The following DLGAP1 variants were observed in gnomAD, a reference collection of about 807,000 sequenced individuals.
DLGAP1 encodes DLG associated protein 1.
A neutral mutation model predicts 90.8 loss-of-function variants in DLGAP1; 11 were observed. The observed-to-expected ratio is 0.12, with a 90% CI of 0.08 to 0.20. The LOEUF (loss-of-function observed/expected upper bound fraction) is 0.20, where lower values mean the gene tolerates loss of function less well. DLGAP1 is among the 10% of genes least tolerant of loss of function. The pLI is 1.00. For synonymous variants in DLGAP1, 558 were observed against 540.7 expected (o/e 1.03, Z -0.44); for missense variants, 1,050 against 1,333.8 (o/e 0.79, Z 3.31).
At chr18:4,438,916 T>C (rs1186223396) in intron 1 of DLGAP1, among the ~76,000 whole-genome samples, 1 of 152,208 alleles carries the variant, frequency 6.6e-6, no homozygotes, top group African/African-American at 2.4e-5. Context: ...AATTGATATA[T>C]GGGTAAACTG....
chr18:4,424,859 A>G (rs1385814246), intron 1 of DLGAP1, among the ~76,000 whole-genome samples: 1 of 152,264 alleles, frequency 6.6e-6, no homozygotes, highest in African/African-American at 2.4e-5. Flanking sequence ...ACTTCACAAA[A>G]CCAATTTATT....
At chr18:3,856,397 G>A (rs2069645259) in intron 4 of DLGAP1, among the ~76,000 whole-genome samples, 1 of 152,106 alleles carries the variant, frequency 6.6e-6, no homozygotes, top group African/African-American at 2.4e-5. Flanking sequence ...TGAGGCAATG[G>A]CCCAATTTTT....
At chr18:4,364,313 G>A (rs1377630984) in intron 1 of DLGAP1, among the ~76,000 whole-genome samples, 2 of 148,136 alleles carry the variant, frequency 1.4e-5, no homozygotes, top group Non-Finnish European at 3.0e-5. Context: ...GCTAAATGAC[G>A]AGTTAATGGG....
At chr18:3,611,132 T>TAA (rs879375557) in intron 7 of DLGAP1, among the ~76,000 whole-genome samples, 1 of 145,518 alleles carries the variant, frequency 6.9e-6, no homozygotes, top group South Asian at 2.2e-4. Context: ...ACCCTGTCTT[T>TAA]AAAAAAAAAA....
chr18:3,890,362 G>A (rs1423042352), intron 3 of DLGAP1, among the ~76,000 whole-genome samples: 2 of 152,180 alleles, frequency 1.3e-5, no homozygotes, highest in Admixed American at 6.5e-5. Flanking sequence ...CTCTGCAATC[G>A]GCTGTTTTTG....
chr18:3,653,510 G>C lies in DLGAP1; in HGVS notation c.1592-71262C>G, dbSNP rs1484365718. 1.3e-5 allele frequency: 2 copies of C among 152,128 alleles called. No homozygotes were observed. Among genetic ancestry groups the C allele is most frequent in the Non-Finnish European group, 2.9e-5 (2 of 68,040 alleles). The allele number at this position is 152,128 out of a possible 1,614,324, so 9.4% of individuals were successfully genotyped here. A position where few individuals can be genotyped will look rare whatever the true frequency, so the allele number is the denominator to read the frequency against. On this transcript the variant is annotated intron_variant, in intron 7 of 12. Coordinates refer to ENST00000315677, the MANE Select transcript of DLGAP1 (RefSeq NM_004746.4). This position sits in a 1 kb window ranked among gnomAD's most constrained non-coding sequence, Gnocchi z 4.6. ...CCTTAGCATTCATGAGACACAAAAT[G>C]GGTTTTTCTTTTTGCTGATTTAAAA...
intron 2 of DLGAP1, among the ~76,000 whole-genome samples, chr18:4,037,238 C>T (rs191023757): frequency 1.4e-4 from 21 of 152,146 alleles, no homozygotes; most frequent in Non-Finnish European, 2.5e-4. Context: ...TATATCATTC[C>T]GCTGCTGACT....
intron 5 of DLGAP1, among the ~76,000 whole-genome samples, chr18:3,789,312 A>C (rs2065610037): frequency 6.6e-6 from 1 of 152,266 alleles, no homozygotes; most frequent in African/African-American, 2.4e-5. Flanking sequence ...AGAACAAGTA[A>C]GAGTCTGAGC....
intron 1 of DLGAP1, among the ~76,000 whole-genome samples, chr18:4,336,850 T>C (rs1426446629): frequency 6.6e-6 from 1 of 151,402 alleles, no homozygotes; most frequent in African/African-American, 2.4e-5. Context: ...TAGTTTATGT[T>C]AGCATTACGG....
chr18:3,523,642 T>G (rs891584415), intron 10 of DLGAP1, among the ~76,000 whole-genome samples: 19 of 151,704 alleles, frequency 1.3e-4, no homozygotes, highest in Non-Finnish European at 2.5e-4. Context: ...GGTCAGGAGA[T>G]CGAGACCATC....
At chr18:3,938,574 T>C (rs779868361) in intron 3 of DLGAP1, among the ~76,000 whole-genome samples, 2 of 152,230 alleles carry the variant, frequency 1.3e-5, no homozygotes, top group Admixed American at 6.5e-5. Context: ...GACTTGTTTG[T>C]CTATTTCATT....
At chr18:4,192,611 G>A (rs1357792848) in intron 1 of DLGAP1, among the ~76,000 whole-genome samples, 4 of 152,124 alleles carry the variant, frequency 2.6e-5, no homozygotes, top group African/African-American at 9.7e-5. Flanking sequence ...TTCTATGACA[G>A]TATAACAATA....
intron 2 of DLGAP1, among the ~76,000 whole-genome samples, chr18:4,119,907 A>C (rs759947313): frequency 6.6e-6 from 1 of 152,210 alleles, no homozygotes; most frequent in African/African-American, 2.4e-5. Flanking sequence ...TGACATAGGC[A>C]CCTATTTATT....
At chr18:4,258,204 T>A (rs2078934961) in intron 1 of DLGAP1, among the ~76,000 whole-genome samples, 2 of 152,210 alleles carry the variant, frequency 1.3e-5, no homozygotes, top group South Asian at 4.1e-4. Context: ...GCCTGGCTAA[T>A]TTTTAAATTT....
intron 5 of DLGAP1, among the ~76,000 whole-genome samples, chr18:3,788,105 C>G (rs147471529): frequency 6.6e-6 from 1 of 152,176 alleles, no homozygotes; most frequent in Non-Finnish European, 1.5e-5. Context: ...GAATTTACTA[C>G]CCCTGTAAAA....
chr18:3,597,505 C>T, intron 7 of DLGAP1: 1 of 334,310 alleles, frequency 3.0e-6, no homozygotes, highest in South Asian at 2.4e-5. Flanking sequence ...GAACCAGGGT[C>T]CGTCCCATCT....
At chr18:4,339,441 CAA>C (rs2081142686) in intron 1 of DLGAP1, among the ~76,000 whole-genome samples, 3 of 152,076 alleles carry the variant, frequency 2.0e-5, no homozygotes, top group Non-Finnish European at 4.4e-5. Flanking sequence ...TCCTATGCAA[CAA>C]ACCTGCACAT....
chr18:3,768,916 T>C (rs1189837808), intron 5 of DLGAP1, among the ~76,000 whole-genome samples: 1 of 152,164 alleles, frequency 6.6e-6, no homozygotes, highest in Non-Finnish European at 1.5e-5. Flanking sequence ...GAAAACCTGA[T>C]AAATTGGATT....
chr18:3,750,229 G>T (rs555224228), intron 5 of DLGAP1, among the ~76,000 whole-genome samples: 12 of 152,256 alleles, frequency 7.9e-5, no homozygotes, highest in African/African-American at 2.9e-4. Context: ...GTGGCATTTG[G>T]TTTTTGTTTC....
Sources: allele counts gnomAD v4.1 joint callset (sites outside exome capture counted in the v4.1 genomes callset), GRCh38; gene constraint gnomAD v4.1.1; non-coding constraint Gnocchi (gnomAD v3.1); transcripts MANE v1.5; gene names NCBI Gene and HGNC (gene_info 2026-07-23, HGNC 2026-07-21).